The following GRIN2A variants were observed in gnomAD, a reference collection of about 807,000 sequenced individuals.
GRIN2A encodes glutamate ionotropic receptor NMDA type subunit 2A.
Under a neutral mutation model 113.4 loss-of-function variants are expected in GRIN2A, and 22 were observed. That is an observed-to-expected ratio of 0.19 (90% CI 0.14 to 0.28). The LOEUF is 0.28. GRIN2A is among the 10% of genes least tolerant of loss of function. GRIN2A has a pLI of 1.00. For missense variants in GRIN2A, 1,502 were observed against 1,887.0 expected, an observed-to-expected ratio of 0.80 and a Z score of 3.78; for synonymous variants, 827 against 738.4, an observed-to-expected ratio of 1.12 and a Z score of -1.94.
At chr16:10,095,161 G>A (rs2048263394) in intron 2 of GRIN2A, among the ~76,000 whole-genome samples, 1 of 152,142 alleles carries the variant, frequency 6.6e-6, no homozygotes, top group Non-Finnish European at 1.5e-5. Flanking sequence ...ACAGCTGTCT[G>A]CAAACCAGTA....
intron 2 of GRIN2A, among the ~76,000 whole-genome samples, chr16:10,158,123 G>C (rs1331531167): frequency 2.0e-5 from 3 of 152,050 alleles, no homozygotes; most frequent in African/African-American, 7.3e-5. Context: ...TACTACTTCA[G>C]CCTCTCGAGC....
chr16:9,815,220 G>C (rs1184515422), intron 10 of GRIN2A, among the ~76,000 whole-genome samples: 1 of 151,736 alleles, frequency 6.6e-6, no homozygotes, highest in African/African-American at 2.4e-5. Flanking sequence ...AAGCCTTTTA[G>C]AAAAATATTT....
intron 5 of GRIN2A, among the ~76,000 whole-genome samples, chr16:9,845,354 A>AT (rs929061138): frequency 6.6e-6 from 1 of 152,108 alleles, no homozygotes. Context: ...AGGGCTTTTG[A>AT]TTTTAAAGAC....
At chr16:9,849,184 T>C (rs867198980) in intron 5 of GRIN2A, among the ~76,000 whole-genome samples, 11 of 142,174 alleles carry the variant, frequency 7.7e-5, no homozygotes, top group African/African-American at 2.8e-4. Context: ...GTTTTATATA[T>C]TTAAATATAT....
In GRIN2A at chr16:10,105,777, C is replaced by T. The variant is rs114587710; in HGVS notation, c.414+74221G>A. ...CAAAAATTAGCTGGGCATGGTGGTG[C>T]GCACACGTAATCCCAGCTACTTGGG... On this transcript the variant is annotated intron_variant, in intron 2 of 12. Transcript: ENST00000330684. Among the ~76,000 whole-genome samples the T allele has an allele frequency of 3.7e-3, 556 of 152,170 alleles. 9 individuals carry two copies. The highest frequency in any genetic ancestry group is 0.012 in the African/African-American group (517 of 41,518).
At chr16:9,909,590 T>C (rs986006777) in intron 3 of GRIN2A, among the ~76,000 whole-genome samples, 7 of 152,316 alleles carry the variant, frequency 4.6e-5, no homozygotes, top group African/African-American at 1.7e-4. Flanking sequence ...ATCAGATAGC[T>C]TAAGTACAGA....
intron 3 of GRIN2A, among the ~76,000 whole-genome samples, chr16:9,929,710 A>T (rs771419551): frequency 3.3e-5 from 5 of 152,228 alleles, no homozygotes; most frequent in Non-Finnish European, 7.3e-5. Context: ...ACAAATAATT[A>T]GCACATGTCA....
chr16:9,855,627 T>C (rs1022708073), intron 4 of GRIN2A, among the ~76,000 whole-genome samples: 2 of 152,138 alleles, frequency 1.3e-5, no homozygotes, highest in African/African-American at 4.8e-5. Context: ...TAAGCTGCCC[T>C]CCCAAATCTT....
intron 3 of GRIN2A, among the ~76,000 whole-genome samples, chr16:9,901,345 A>G (rs2043919693): frequency 6.6e-6 from 1 of 152,212 alleles, no homozygotes; most frequent in African/African-American, 2.4e-5. Context: ...GAGGTAACTC[A>G]AAGGCAGAGA....
chr16:9,821,131 C>T (rs977729717), intron 10 of GRIN2A, among the ~76,000 whole-genome samples: 2 of 151,828 alleles, frequency 1.3e-5, no homozygotes, highest in African/African-American at 2.4e-5. Context: ...GCCGAACAGC[C>T]GAAAAGGAGG....
At chr16:10,179,945 C>T (rs1490657398) in intron 2 of GRIN2A, 53 bp downstream of exon 2, 1 of 1,489,930 alleles carries the variant, frequency 6.7e-7, no homozygotes. Flanking sequence ...CAGCAGCTGC[C>T]ATGCAGCTGG....
intron 2 of GRIN2A, chr16:10,112,583 C>T (rs776281160): frequency 3.9e-6 from 3 of 771,326 alleles, no homozygotes; most frequent in Admixed American, 3.4e-5. Context: ...AGTACTTCTT[C>T]TCAGACAGGG....
At chr16:9,889,557 C>A (rs2043651816) in intron 4 of GRIN2A, among the ~76,000 whole-genome samples, 1 of 152,086 alleles carries the variant, frequency 6.6e-6, no homozygotes, top group Admixed American at 6.5e-5. Flanking sequence ...AAATCATTGA[C>A]ACTGAATTCA....
At chr16:10,111,365 CG>C in intron 2 of GRIN2A, 3 of 439,410 alleles carry the variant, frequency 6.8e-6, no homozygotes, top group Middle Eastern at 7.1e-4. Context: ...TGTCGCTTCG[CG>C]GGGCCTTGCG....
intron 3 of GRIN2A, among the ~76,000 whole-genome samples, chr16:9,916,283 C>T (rs905833206): frequency 6.6e-6 from 1 of 152,190 alleles, no homozygotes; most frequent in Non-Finnish European, 1.5e-5. Flanking sequence ...CATGACCCCA[C>T]AGATCCTCCC....
chr16:10,137,806 T>C (rs920550293), intron 2 of GRIN2A, among the ~76,000 whole-genome samples: 3 of 152,232 alleles, frequency 2.0e-5, no homozygotes, highest in African/African-American at 7.2e-5. Context: ...GCTGAAGCAA[T>C]GCAAGCCCGC....
chr16:10,000,029 C>T (rs2046293659), intron 2 of GRIN2A, among the ~76,000 whole-genome samples: 1 of 152,010 alleles, frequency 6.6e-6, no homozygotes, highest in African/African-American at 2.4e-5. Context: ...CCCTGAGCAC[C>T]CTCATTATTC....
chr16:10,038,032 G>A (rs960930740), intron 2 of GRIN2A, among the ~76,000 whole-genome samples: 2 of 152,180 alleles, frequency 1.3e-5, no homozygotes, highest in African/African-American at 4.8e-5. Flanking sequence ...TTCTGCCTTA[G>A]TCTGTTCAGG....
intron 2 of GRIN2A, among the ~76,000 whole-genome samples, chr16:9,969,669 C>G (rs542283225): frequency 5.6e-4 from 86 of 152,302 alleles, no homozygotes; most frequent in Admixed American, 2.2e-3. Flanking sequence ...TCTCAACATG[C>G]AATGACTGTG....
Sources: allele counts gnomAD v4.1 joint callset (sites outside exome capture counted in the v4.1 genomes callset), GRCh38; gene constraint gnomAD v4.1.1; transcripts MANE v1.5; gene names NCBI Gene and HGNC (gene_info 2026-07-23, HGNC 2026-07-21).